CNTNAP3B: variants seen among roughly 807,000 people sequenced by gnomAD.
CNTNAP3B encodes contactin associated protein family member 3B.
CNTNAP3B carries 25 observed loss-of-function variants against 108.9 expected under a neutral mutation model. That is an observed-to-expected ratio of 0.23 (90% CI 0.17 to 0.32). The LOEUF (loss-of-function observed/expected upper bound fraction) is 0.32, where lower values mean the gene tolerates loss of function less well. CNTNAP3B is among the 10% of genes least tolerant of loss of function. CNTNAP3B has a pLI of 1.00. For synonymous variants in CNTNAP3B, 103 were observed against 473.4 expected, an observed-to-expected ratio of 0.22 and a Z score of 10.16; for missense variants, 252 against 1,210.4, an observed-to-expected ratio of 0.21 and a Z score of 11.75.
chr9:42,071,915 G>A (rs1212674236), intron 3 of CNTNAP3B, among the ~76,000 whole-genome samples: 3 of 151,202 alleles, frequency 2.0e-5, no homozygotes, highest in Non-Finnish European at 4.4e-5. Context: ...GGGGTAATAG[G>A]TTTGGTGATG....
At chr9:41,964,389 T>G (rs573312249) in intron 11 of CNTNAP3B, 149 bp downstream of exon 11, 1 of 1,418,298 alleles carries the variant, frequency 7.1e-7, no homozygotes, top group East Asian at 2.5e-5. Context: ...TTAAATAAGG[T>G]GGATTAAAAG....
At chr9:41,986,513 C>A (rs1825705539) in intron 8 of CNTNAP3B, among the ~76,000 whole-genome samples, 1 of 144,376 alleles carries the variant, frequency 6.9e-6, no homozygotes. Context: ...AAAAATATTA[C>A]TCTTTCTGAA....
At position 42,104,610 on chromosome 9, in the gene CNTNAP3B, A is replaced by C; in HGVS notation, c.196+19T>G. The C allele has an allele frequency of 8.8e-7, 1 of 1,135,284 alleles. No homozygotes were observed. Among genetic ancestry groups the C allele is most frequent in the African/African-American group, 2.0e-5 (1 of 51,162 alleles). The allele number at this position is 1,135,284 out of a possible 1,614,324, so 70.3% of individuals were successfully genotyped here. On this transcript the variant is annotated intron_variant, in intron 2 of 23. Transcript: ENST00000377561. Reference sequence around the variant, plus strand: ...ATGAGAGTCACCAAGGAGCAATACAAGGAAAAAGGCAGACTCACCATCTCT... The same window carrying C: ...ATGAGAGTCACCAAGGAGCAATACACGGAAAAAGGCAGACTCACCATCTCT...
intron 18 of CNTNAP3B, among the ~76,000 whole-genome samples, chr9:41,919,548 C>A (rs1366329160): frequency 1.3e-4 from 20 of 152,290 alleles, no homozygotes; most frequent in African/African-American, 4.1e-4. Context: ...TTTAAATATT[C>A]TTTTCCCCTT....
rs1262197009 is a variant in CNTNAP3B, at chr9:41,977,821, C to T, written c.1478-7576G>A. Among the ~76,000 whole-genome samples, 9 of 129,492 alleles carry T rather than the reference C, an allele frequency of 7.0e-5. No homozygotes were observed. The East Asian group carries it at 1.2e-3, about 17-fold the overall frequency. 85.0% of individuals were successfully genotyped at this position (129,492 alleles called of 152,430 possible). ...TTTTTTTTTGTATTTTTAGTAGAGA[C>T]GGGGTTTCACCGTGTTAGCCAGGAT... On this transcript the variant is annotated intron_variant, in intron 9 of 23. Transcript: ENST00000377561.
At chr9:41,917,081 A>G (rs1183802825) in intron 18 of CNTNAP3B, among the ~76,000 whole-genome samples, 229 of 152,058 alleles carry the variant, frequency 1.5e-3, no homozygotes, top group African/African-American at 4.8e-3. Flanking sequence ...ATTTTTATTA[A>G]TTTGGGGATG....
At chr9:41,959,489 C>T (rs1291579139) in intron 12 of CNTNAP3B, among the ~76,000 whole-genome samples, 1 of 152,300 alleles carries the variant, frequency 6.6e-6, no homozygotes, top group Non-Finnish European at 1.5e-5. Context: ...ATTTCCTCAT[C>T]TTAAAATGAT....
rs1402355642 is a variant in CNTNAP3B, at chr9:42,122,368, A to G, written c.85+6642T>C. On this transcript the variant is annotated intron_variant, in intron 1 of 23. Coordinates refer to ENST00000377561, the MANE Select transcript of CNTNAP3B (RefSeq NM_001201380.3). ...TTAAAGCTAAGCAACATCATTTTCTATTGAGGAACCCAAAACTTTCCTAAC... is the reference window on the plus strand; with the variant it reads ...TTAAAGCTAAGCAACATCATTTTCTGTTGAGGAACCCAAAACTTTCCTAAC... 6.6e-5 allele frequency among the ~76,000 whole-genome samples: 9 copies of G among 137,100 alleles called. 2 individuals are homozygous for G. The highest frequency in any genetic ancestry group is 2.6e-4 in the African/African-American group (9 of 34,462). The allele number at this position is 137,100 out of a possible 152,430, so 89.9% of individuals were successfully genotyped here.
intron 11 of CNTNAP3B, among the ~76,000 whole-genome samples, chr9:41,961,970 C>G (rs1012523037): frequency 6.6e-6 from 1 of 152,288 alleles, no homozygotes; most frequent in Non-Finnish European, 1.5e-5. Flanking sequence ...GTAGGATTCA[C>G]TCAAATTAAT....
At chr9:41,966,978 C>CA (rs762235413) in intron 10 of CNTNAP3B, among the ~76,000 whole-genome samples, 17 of 150,346 alleles carry the variant, frequency 1.1e-4, no homozygotes, top group Non-Finnish European at 2.2e-4. Flanking sequence ...AAAAAACAAA[C>CA]AAACAAACAC....
At chr9:42,121,642 A>G (rs1338632637) in intron 1 of CNTNAP3B, among the ~76,000 whole-genome samples, 1 of 140,308 alleles carries the variant, frequency 7.1e-6, no homozygotes, top group East Asian at 2.2e-4. Context: ...TGACATCCAA[A>G]AAAGGAAAGC....
chr9:41,974,367 C>G (rs1825484696), intron 9 of CNTNAP3B: 2 of 303,748 alleles, frequency 6.6e-6, no homozygotes, highest in Non-Finnish European at 1.2e-5. Context: ...AAAAAGATGC[C>G]CCCATACGAT....
intron 2 of CNTNAP3B, among the ~76,000 whole-genome samples, chr9:42,095,577 G>T: frequency 1.4e-5 from 2 of 138,010 alleles, no homozygotes; most frequent in South Asian, 4.7e-4. Flanking sequence ...GAATCATTCT[G>T]CAGGTATAAA....
intron 10 of CNTNAP3B, among the ~76,000 whole-genome samples, chr9:41,965,240 C>T (rs1466138790): frequency 1.3e-5 from 2 of 152,302 alleles, no homozygotes; most frequent in Non-Finnish European, 2.9e-5. Flanking sequence ...AATCTCAATG[C>T]CTTTTTTTGC....
chr9:41,964,756 T>C, intron 10 of CNTNAP3B, 112 bp from the exon 11 acceptor site: 2 of 1,390,146 alleles, frequency 1.4e-6, no homozygotes, highest in Non-Finnish European at 1.9e-6. Flanking sequence ...TAACCCCACA[T>C]GACGTGATTA....
chr9:41,999,346 G>A (rs868534822), intron 4 of CNTNAP3B, among the ~76,000 whole-genome samples: 1 of 14,224 alleles, frequency 7.0e-5, no homozygotes, highest in African/African-American at 4.2e-4. Context: ...ACTCTATAAC[G>A]TGGGTGGGCC....
intron 1 of CNTNAP3B, among the ~76,000 whole-genome samples, chr9:42,109,495 C>T (rs1224545775): frequency 2.0e-5 from 3 of 147,818 alleles, no homozygotes; most frequent in African/African-American, 7.8e-5. Context: ...TCCGTATCTG[C>T]AGAGGAAATG....
chr9:41,968,299 C>T (rs1825342651), intron 10 of CNTNAP3B, among the ~76,000 whole-genome samples: 1 of 142,790 alleles, frequency 7.0e-6, no homozygotes, highest in African/African-American at 2.7e-5. Context: ...TGGGACATTA[C>T]CCCTTAACTC....
At chr9:41,976,859 G>A (rs946545739) in intron 9 of CNTNAP3B, among the ~76,000 whole-genome samples, 4 of 131,908 alleles carry the variant, frequency 3.0e-5, no homozygotes, top group Non-Finnish European at 6.4e-5. Flanking sequence ...GGCAGAGGCT[G>A]CAGTGAGCTG....
Sources: gnomAD v4.1 joint callset for allele counts (sites outside exome capture counted in the v4.1 genomes callset) on GRCh38, gnomAD v4.1.1 for gene constraint, MANE v1.5 for transcripts, NCBI Gene and HGNC (gene_info 2026-07-23, HGNC 2026-07-21) for gene names.